GFRA1: variants seen among roughly 807,000 people sequenced by gnomAD.
The protein encoded by GFRA1 is GDNF family receptor alpha-1.
In GFRA1, 16 loss-of-function variants were observed where a neutral mutation model predicts 51.6. The ratio of observed to expected loss-of-function variants is 0.31; its 90% CI spans 0.21 to 0.47. GFRA1 has a LOEUF of 0.47. GFRA1 is among the 20% of genes least tolerant of loss of function. The pLI, the probability that GFRA1 is intolerant of heterozygous loss-of-function variation, is 1.00. For synonymous variants in GFRA1, 270 were observed against 241.3 expected (o/e 1.12, Z -1.10); for missense variants, 530 against 594.3 (o/e 0.89, Z 1.13).
At chr10:116,098,267 G>A (rs11197528) in intron 6 of GFRA1, among the ~76,000 whole-genome samples, 12,881 of 152,284 alleles carry the variant, frequency 0.085, 1,454 homozygotes, top group African/African-American at 0.25. Context: ...AAAATCCTGC[G>A]AATGTGGCTG....
At chr10:116,124,250 A>G (rs1396885177) in intron 6 of GFRA1, among the ~76,000 whole-genome samples, 1 of 141,144 alleles carries the variant, frequency 7.1e-6, no homozygotes, top group Non-Finnish European at 1.5e-5. Context: ...TTTTTTTAAG[A>G]CAGATTTTCA....
intron 4 of GFRA1, among the ~76,000 whole-genome samples, chr10:116,230,267 A>G (rs955844855): frequency 6.6e-6 from 1 of 152,184 alleles, no homozygotes; most frequent in Admixed American, 6.5e-5. Context: ...CCTCCCGTGC[A>G]TTTTTCTGAT....
At chr10:116,106,980 C>G (rs1266528169) in intron 6 of GFRA1, among the ~76,000 whole-genome samples, 1 of 152,190 alleles carries the variant, frequency 6.6e-6, no homozygotes, top group Non-Finnish European at 1.5e-5. Flanking sequence ...TGCCTACTGC[C>G]ATGATTATAA....
rs1360594926 is a variant in GFRA1, at chr10:116,060,846, C to T, written c.*3552G>A. 1 of 152,132 alleles carries T rather than the reference C, an allele frequency of 6.6e-6. No homozygotes were observed. The highest frequency in any genetic ancestry group is 1.5e-5 in the Non-Finnish European group (1 of 68,024). The allele number at this position is 152,132 out of a possible 1,614,324, so 9.4% of individuals were successfully genotyped here. A position where few individuals can be genotyped will look rare whatever the true frequency, so the allele number is the denominator to read the frequency against. ...AACTGCATGAATGAAAACTTATTTT[C>T]CAAAAGACAGCTCCTCTGAGGCCAC... On this transcript the variant is annotated 3_prime_UTR_variant, in exon 11 of 11. Transcript: ENST00000355422.
intron 5 of GFRA1, among the ~76,000 whole-genome samples, chr10:116,182,531 A>T (rs1255352029): frequency 6.6e-6 from 1 of 152,152 alleles, no homozygotes; most frequent in Non-Finnish European, 1.5e-5. Flanking sequence ...CATTCACCAA[A>T]CTACATTAAG....
intron 4 of GFRA1, among the ~76,000 whole-genome samples, chr10:116,257,054 C>T (rs1290662232): frequency 6.6e-6 from 1 of 152,166 alleles, no homozygotes; most frequent in Non-Finnish European, 1.5e-5. Flanking sequence ...GGGAGCCATC[C>T]TCTCAGGGAC....
At chr10:116,116,764 T>C (rs1957426941) in intron 6 of GFRA1, among the ~76,000 whole-genome samples, 1 of 152,368 alleles carries the variant, frequency 6.6e-6, no homozygotes, top group East Asian at 1.9e-4. Flanking sequence ...AAAAGGAAAT[T>C]TGATAAAGAA....
intron 5 of GFRA1, among the ~76,000 whole-genome samples, chr10:116,129,664 C>T (rs10736243): frequency 0.5 from 75,611 of 151,838 alleles, 20,148 homozygotes; most frequent in Admixed American, 0.63. Flanking sequence ...TCTAAAGAAT[C>T]TACAAAACAA....
At chr10:116,108,669 G>T (rs1016713159) in intron 6 of GFRA1, among the ~76,000 whole-genome samples, 1 of 152,108 alleles carries the variant, frequency 6.6e-6, no homozygotes, top group African/African-American at 2.4e-5. Flanking sequence ...ACCCATTCAC[G>T]GTGATCTCAA....
chr10:116,270,481 C>T (rs1843813411), intron 3 of GFRA1, among the ~76,000 whole-genome samples: 2 of 152,204 alleles, frequency 1.3e-5, no homozygotes, highest in African/African-American at 4.8e-5. Context: ...CCAGCGAAAG[C>T]CCCAGGCTGG....
chr10:116,137,657 G>A (rs531505017), intron 5 of GFRA1, among the ~76,000 whole-genome samples: 15 of 152,322 alleles, frequency 9.8e-5, no homozygotes, highest in Admixed American at 4.6e-4. Context: ...GTTCTTAAAA[G>A]ACAGTAGCCA....
intron 5 of GFRA1, among the ~76,000 whole-genome samples, chr10:116,185,342 G>C (rs558577746): frequency 2.1e-4 from 32 of 152,248 alleles, no homozygotes; most frequent in African/African-American, 7.5e-4. Flanking sequence ...CTGATGATCT[G>C]TAAGACAGGC....
At chr10:116,067,519 C>T (rs1955171094) in intron 9 of GFRA1, among the ~76,000 whole-genome samples, 1 of 152,200 alleles carries the variant, frequency 6.6e-6, no homozygotes, top group African/African-American at 2.4e-5. Context: ...CTAAGAGTTC[C>T]AAGGGCTGGG....
intron 4 of GFRA1, among the ~76,000 whole-genome samples, chr10:116,234,019 T>G (rs1044726868): frequency 6.6e-6 from 1 of 152,212 alleles, no homozygotes; most frequent in Non-Finnish European, 1.5e-5. Flanking sequence ...GCCCCTGGGT[T>G]GAATGAGCAT....
At chr10:116,269,624 A>G in intron 3 of GFRA1, 38 bp from the exon 4 acceptor site, 1 of 1,250,458 alleles carries the variant, frequency 8.0e-7, no homozygotes, top group East Asian at 2.3e-5. Context: ...GATCAGAAAA[A>G]CATATATTTC....
At chr10:116,079,105 G>A (rs1043488038) in intron 9 of GFRA1, among the ~76,000 whole-genome samples, 2 of 152,058 alleles carry the variant, frequency 1.3e-5, no homozygotes, top group Non-Finnish European at 2.9e-5. Context: ...ACCAGAAGGT[G>A]ATGGTGTGAG....
At chr10:116,094,786 G>A (rs1031579897) in intron 7 of GFRA1, among the ~76,000 whole-genome samples, 9 of 152,088 alleles carry the variant, frequency 5.9e-5, no homozygotes, top group South Asian at 2.1e-4. Flanking sequence ...AAATAACATC[G>A]CATTATACCT....
chr10:116,180,344 C>A (rs925816962), intron 5 of GFRA1, among the ~76,000 whole-genome samples: 1 of 152,150 alleles, frequency 6.6e-6, no homozygotes, highest in Non-Finnish European at 1.5e-5. Context: ...ACTGTCCTCA[C>A]AAATATAAAA....
chr10:116,106,478 G>A (rs537997644), intron 6 of GFRA1, among the ~76,000 whole-genome samples: 45 of 152,306 alleles, frequency 3.0e-4, no homozygotes, highest in African/African-American at 9.9e-4. Flanking sequence ...CAAATCTCAC[G>A]CTGAAACGTG....
Sources: allele counts gnomAD v4.1 joint callset (sites outside exome capture counted in the v4.1 genomes callset), GRCh38; gene constraint gnomAD v4.1.1; transcripts MANE v1.5; gene names NCBI Gene and HGNC (gene_info 2026-07-23, HGNC 2026-07-21).